Variants in ABTB2 observed in about 807,000 individuals in gnomAD.
ABTB2 encodes the protein ankyrin repeat and BTB domain containing 2.
In ABTB2, 56 loss-of-function variants were observed where a neutral mutation model predicts 104.1. The observed-to-expected ratio is 0.54, with a 90% CI of 0.43 to 0.67. The LOEUF is 0.67. Ranked by LOEUF, ABTB2 falls within the 30% of genes least tolerant of loss-of-function variation. ABTB2 has a pLI of 0.00. For missense variants in ABTB2, 1,279 were observed against 1,407.7 expected (o/e 0.91, Z 1.46); for synonymous variants, 606 against 608.2 (o/e 1.00, Z 0.05).
At chr11:34,216,902 C>T (rs2179829) in intron 1 of ABTB2, among the ~76,000 whole-genome samples, 84,679 of 152,092 alleles carry the variant, frequency 0.56, 25,043 homozygotes, top group Non-Finnish European at 0.66. Context: ...CATTAAGACA[C>T]GCCCACCAGT....
chr11:34,227,744 T>A (rs1222320115), intron 1 of ABTB2, among the ~76,000 whole-genome samples: 3 of 152,184 alleles, frequency 2.0e-5, no homozygotes, highest in East Asian at 1.9e-4. Flanking sequence ...TCTTTTTTTT[T>A]ATTTTCTGAG....
Position 34,160,229 on chromosome 11 carries a change from G to T in ABTB2, c.2503+19C>A. On this transcript the variant is annotated intron_variant, in intron 12 of 16. Coordinates refer to ENST00000435224, the MANE Select transcript of ABTB2 (RefSeq NM_145804.3). ...GGGAGGACGTGTGGTGATGCAGGGC[G>T]CAGGGGGCGCGCCTTCACCTAGCCT... 1 of 1,585,868 alleles carries T rather than the reference G, an allele frequency of 6.3e-7. No homozygotes were observed. Among genetic ancestry groups the T allele is most frequent in the Non-Finnish European group, 8.7e-7 (1 of 1,154,548 alleles).
chr11:34,182,619 G>C (rs1322454088), intron 3 of ABTB2, among the ~76,000 whole-genome samples: 1 of 151,956 alleles, frequency 6.6e-6, no homozygotes, highest in Non-Finnish European at 1.5e-5. Context: ...GTCATGACTA[G>C]CTCTGGGTGA....
intron 14 of ABTB2, among the ~76,000 whole-genome samples, chr11:34,155,178 C>T (rs1852606223): frequency 6.6e-6 from 1 of 152,236 alleles, no homozygotes; most frequent in Non-Finnish European, 1.5e-5. Context: ...TGGCTCATTG[C>T]TGGTGTGATC....
chr11:34,224,826 C>T (rs867344264), intron 1 of ABTB2, among the ~76,000 whole-genome samples: 4 of 152,210 alleles, frequency 2.6e-5, no homozygotes, highest in African/African-American at 4.8e-5. Context: ...CTCTGGTTCT[C>T]AGGCTTGAGG....
chr11:34,277,692 A>G (rs556324681), intron 1 of ABTB2, among the ~76,000 whole-genome samples: 40 of 151,710 alleles, frequency 2.6e-4, no homozygotes, highest in African/African-American at 9.7e-4. Flanking sequence ...AGGCAGGAGA[A>G]TCGCTTGAAC....
At chr11:34,168,171 TGG>T (rs1261826939) in intron 5 of ABTB2, among the ~76,000 whole-genome samples, 179 bp from the exon 6 acceptor site, 5 of 151,930 alleles carry the variant, frequency 3.3e-5, no homozygotes, top group Admixed American at 3.3e-4. Flanking sequence ...GGAAGGTGAG[TGG>T]GGGCACTGCC....
intron 1 of ABTB2, among the ~76,000 whole-genome samples, chr11:34,283,710 C>G (rs551700635): frequency 2.0e-5 from 3 of 152,258 alleles, no homozygotes; most frequent in African/African-American, 7.2e-5. Context: ...CACAAGGTGA[C>G]CGTTGAGGAT....
At chr11:34,311,152 C>T (rs1042511679) in intron 1 of ABTB2, among the ~76,000 whole-genome samples, 2 of 152,178 alleles carry the variant, frequency 1.3e-5, no homozygotes, top group Non-Finnish European at 2.9e-5. Context: ...TGCTGCATCT[C>T]GTTCCAGGGG....
At chr11:34,326,155 G>A (rs1294965714) in intron 1 of ABTB2, among the ~76,000 whole-genome samples, 1 of 151,896 alleles carries the variant, frequency 6.6e-6, no homozygotes, top group Non-Finnish European at 1.5e-5. Context: ...TTATACAAAG[G>A]GTAAAGGGAT....
At chr11:34,282,656 A>G (rs1261185730) in intron 1 of ABTB2, among the ~76,000 whole-genome samples, 1 of 151,514 alleles carries the variant, frequency 6.6e-6, no homozygotes, top group Non-Finnish European at 1.5e-5. Flanking sequence ...CCTTCCAAGT[A>G]GCTGGGATTA....
Position 34,164,653 on chromosome 11 carries a change from A to C in ABTB2, c.1988+33T>G, listed in dbSNP as rs769507685. ...CCTGTGAGCTTAGTTCAGTGCCCTC[A>C]TGTCACACAGGGTGGGAATCCCGGG... On this transcript the variant is annotated intron_variant, in intron 9 of 16. Coordinates refer to ENST00000435224, the MANE Select transcript of ABTB2 (RefSeq NM_145804.3). 2.1e-6 allele frequency: 3 copies of C among 1,458,798 alleles called. No individual in the cohort carries two copies. The African/African-American group carries it at 4.4e-5, about 22-fold the overall frequency. The allele number at this position is 1,458,798 out of a possible 1,614,324, so 90.4% of individuals were successfully genotyped here. A position where few individuals can be genotyped will look rare whatever the true frequency, so the allele number is the denominator to read the frequency against.
chr11:34,193,701 A>G (rs1853211354), intron 3 of ABTB2, among the ~76,000 whole-genome samples: 1 of 152,260 alleles, frequency 6.6e-6, no homozygotes, highest in Admixed American at 6.5e-5. Flanking sequence ...CCTACCGGAT[A>G]GAATTACTTA....
chr11:34,242,534 C>T (rs537444814), intron 1 of ABTB2: 211 of 152,474 alleles, frequency 1.4e-3, no homozygotes, highest in African/African-American at 4.9e-3. Flanking sequence ...GCTGCTGGAC[C>T]ATGGCATTTT....
At chr11:34,295,166 A>G (rs1242391759) in intron 1 of ABTB2, among the ~76,000 whole-genome samples, 1 of 152,224 alleles carries the variant, frequency 6.6e-6, no homozygotes, top group Non-Finnish European at 1.5e-5. Context: ...TCTGGGCAAC[A>G]GAGCAAGATC....
chr11:34,253,333 C>T (rs907621709), intron 1 of ABTB2, among the ~76,000 whole-genome samples: 5 of 152,192 alleles, frequency 3.3e-5, no homozygotes, highest in South Asian at 2.1e-4. Context: ...CTGTTGCAGA[C>T]AGACCTGCAC....
At chr11:34,204,914 C>T (rs777639002) in intron 1 of ABTB2, among the ~76,000 whole-genome samples, 12 of 152,170 alleles carry the variant, frequency 7.9e-5, no homozygotes, top group Admixed American at 1.3e-4. Flanking sequence ...GTTTTAAGCA[C>T]GTGGAGACCA....
chr11:34,335,815 G>C, intron 1 of ABTB2: 2 of 1,341,530 alleles, frequency 1.5e-6, no homozygotes, highest in South Asian at 2.4e-5. Context: ...AGGTCCAAAC[G>C]GTCCCATAGT....
chr11:34,281,936 C>T (rs1209563127), intron 1 of ABTB2, among the ~76,000 whole-genome samples: 1 of 152,180 alleles, frequency 6.6e-6, no homozygotes, highest in African/African-American at 2.4e-5. Context: ...AATCAAAATA[C>T]CTAGTAATAG....
Sources: allele counts gnomAD v4.1 joint callset (sites outside exome capture counted in the v4.1 genomes callset), GRCh38; gene constraint gnomAD v4.1.1; transcripts MANE v1.5; gene names NCBI Gene and HGNC (gene_info 2026-07-23, HGNC 2026-07-21).